The following MICAL3 variants were observed in gnomAD, a reference collection of about 807,000 sequenced individuals.
MICAL3 encodes microtubule associated monooxygenase, calponin and LIM domain containing 3.
In MICAL3, 62 loss-of-function variants were observed where a neutral mutation model predicts 207.4. That is an observed-to-expected ratio of 0.30 (90% CI 0.24 to 0.37). MICAL3 has a LOEUF of 0.37. Ranked by LOEUF, MICAL3 falls within the 10% of genes least tolerant of loss-of-function variation. The pLI is 1.00. For missense variants in MICAL3, 2,368 were observed against 2,635.6 expected (o/e 0.90, Z 2.22); for synonymous variants, 1,077 against 1,069.3 (o/e 1.01, Z -0.14).
chr22:17,872,532 G>A (rs1029180591), intron 16 of MICAL3, among the ~76,000 whole-genome samples: 5 of 152,172 alleles, frequency 3.3e-5, no homozygotes, highest in African/African-American at 7.2e-5. Flanking sequence ...TATCTATTCC[G>A]TGTTGACATA....
At chr22:17,977,954 G>GAGGCA (rs1935731495) in intron 1 of MICAL3, among the ~76,000 whole-genome samples, 3 of 151,904 alleles carry the variant, frequency 2.0e-5, no homozygotes, top group African/African-American at 7.3e-5. Context: ...CCTGGGAGGC[G>GAGGCA]GAGGTTGTGG....
chr22:17,958,209 A>G (rs1159729622), intron 1 of MICAL3, among the ~76,000 whole-genome samples: 3 of 152,070 alleles, frequency 2.0e-5, no homozygotes, highest in Non-Finnish European at 4.4e-5. Context: ...TCCTCCCTAT[A>G]CAGAACTCAA....
At chr22:17,987,441 C>T (rs915985357) in intron 1 of MICAL3, among the ~76,000 whole-genome samples, 7 of 152,210 alleles carry the variant, frequency 4.6e-5, no homozygotes, top group African/African-American at 1.7e-4. Context: ...AGCTTAGATG[C>T]TCAAGACAAG....
intron 1 of MICAL3, among the ~76,000 whole-genome samples, chr22:17,911,006 A>G (rs563443096): frequency 3.3e-4 from 38 of 115,464 alleles, no homozygotes; most frequent in African/African-American, 1.4e-3. Flanking sequence ...GGAAGTGAGG[A>G]GCCGGGTTGG....
intron 19 of MICAL3, chr22:17,861,508 T>C (rs1926513071): frequency 2.0e-6 from 2 of 985,458 alleles, no homozygotes; most frequent in African/African-American, 3.5e-5. Flanking sequence ...TTTTTGGTCA[T>C]CAACCGTATC....
At chr22:17,944,588 GCCT>G (rs1187860538) in intron 1 of MICAL3, among the ~76,000 whole-genome samples, 1 of 152,180 alleles carries the variant, frequency 6.6e-6, no homozygotes, top group African/African-American at 2.4e-5. Context: ...CGGTGTGCAG[GCCT>G]CCTGAGAACC....
chr22:17,925,863 T>C (rs1358585708), intron 1 of MICAL3, among the ~76,000 whole-genome samples: 2 of 152,168 alleles, frequency 1.3e-5, no homozygotes, highest in Non-Finnish European at 2.9e-5. Flanking sequence ...CAAACAGGCA[T>C]TGTCCCTTCC....
chr22:17,966,319 C>G (rs1935140611), intron 1 of MICAL3, among the ~76,000 whole-genome samples: 1 of 152,186 alleles, frequency 6.6e-6, no homozygotes, highest in African/African-American at 2.4e-5. Flanking sequence ...TGGTTCCCCA[C>G]ACCTGAGCGC....
chr22:17,891,464 CAA>C lies in MICAL3; in HGVS notation c.1694+19_1694+20del, dbSNP rs746966934. The C allele has an allele frequency of 3.7e-6, 6 of 1,612,482 alleles. No individual in the cohort carries two copies. Among genetic ancestry groups the C allele is most frequent in the South Asian group, 3.3e-5 (3 of 91,010 alleles). On this transcript the variant is annotated intron_variant, in intron 12 of 31. Transcript: ENST00000441493. ...GATCCTTGAGGAGTATAAAAAAACA[CAA>C]AGTTTGATCACAACTTACATCAGGT...
In MICAL3 at chr22:17,818,447, CG is replaced by C; in HGVS notation, c.4213del (p.Arg1405GlyfsTer33). The C allele has an allele frequency of 6.2e-7, 1 of 1,612,860 alleles. No individual in the cohort carries two copies. Among genetic ancestry groups the C allele is most frequent in the Non-Finnish European group, 8.5e-7 (1 of 1,179,882 alleles). On this transcript the variant is annotated frameshift_variant, in exon 26 of 32. Transcript: ENST00000441493. LOFTEE classifies it high-confidence loss of function. ...GCGTAGCTCTCTGTCGGACGGGGAC[CG>C]GGGGGTTGGCAGGGACAACGGCTCG... is the stretch of plus-strand genomic sequence containing the variant. ...EGEPLSLPTP[R>X]SPSDRELRSA...
At chr22:17,857,650 A>C (rs1285771553) in intron 19 of MICAL3, among the ~76,000 whole-genome samples, 1 of 152,242 alleles carries the variant, frequency 6.6e-6, no homozygotes, top group Non-Finnish European at 1.5e-5. Context: ...TAAAGAAAAC[A>C]CAAGAGGCCA....
chr22:17,976,531 A>ATGTGTGTG (rs1239655452), intron 1 of MICAL3, among the ~76,000 whole-genome samples: 103 of 114,430 alleles, frequency 9.0e-4, no homozygotes, highest in African/African-American at 3.8e-3. Context: ...ATATGTGTAT[A>ATGTGTGTG]TATATGTGTG....
chr22:17,897,607 G>C (rs1250112936), intron 7 of MICAL3, among the ~76,000 whole-genome samples: 8 of 152,014 alleles, frequency 5.3e-5, no homozygotes, highest in African/African-American at 1.9e-4. Flanking sequence ...AGTACTTTGT[G>C]AACTGAAAGG....
chr22:17,832,214 C>T, intron 20 of MICAL3, 107 bp from the exon 21 acceptor site: 6 of 1,397,246 alleles, frequency 4.3e-6, no homozygotes, highest in Non-Finnish European at 5.8e-6. Context: ...AAAGCAGCTG[C>T]TGAGCAGGCG....
chr22:17,844,997 C>T (rs1353579508), intron 19 of MICAL3, among the ~76,000 whole-genome samples: 1 of 152,156 alleles, frequency 6.6e-6, no homozygotes, highest in East Asian at 1.9e-4. Flanking sequence ...ATGGCGGCCA[C>T]CCCATAATGA....
At chr22:17,856,293 A>T (rs1016264612) in intron 19 of MICAL3, among the ~76,000 whole-genome samples, 1 of 152,234 alleles carries the variant, frequency 6.6e-6, no homozygotes, top group Admixed American at 6.5e-5. Context: ...GGCAGAGAAG[A>T]GGGCTTTCTT....
At chr22:17,795,286 G>A (rs1016885701) in intron 29 of MICAL3, among the ~76,000 whole-genome samples, 12 of 152,228 alleles carry the variant, frequency 7.9e-5, no homozygotes, top group Non-Finnish European at 7.3e-5. Context: ...CGGCTTCAAA[G>A]TGTAGTCTGT....
At chr22:17,887,146 A>G (rs763993891) in intron 15 of MICAL3, 24 bp downstream of exon 15, 1 of 1,600,350 alleles carries the variant, frequency 6.2e-7, no homozygotes, top group East Asian at 2.2e-5. Flanking sequence ...TGACCATTCT[A>G]GCAATTCCCC....
intron 11 of MICAL3, 95 bp from the exon 12 acceptor site, chr22:17,891,727 T>C: frequency 2.4e-6 from 3 of 1,234,362 alleles, no homozygotes; most frequent in Non-Finnish European, 3.5e-6. Flanking sequence ...CTTTGAAAAA[T>C]TACTGAGGGT....
Sources: allele counts gnomAD v4.1 joint callset (sites outside exome capture counted in the v4.1 genomes callset), GRCh38; gene constraint gnomAD v4.1.1; transcripts MANE v1.5; gene names NCBI Gene and HGNC (gene_info 2026-07-23, HGNC 2026-07-21).